Variants in MYO15A observed in about 807,000 individuals in gnomAD.
MYO15A encodes the protein myosin XVA, also known as unconventional myosin-XV.
In MYO15A, 308 loss-of-function variants were observed where a neutral mutation model predicts 394.6. That is an observed-to-expected ratio of 0.78 (90% CI 0.71 to 0.86). The LOEUF is 0.86. Among genes scored for constraint, MYO15A ranks in the 40% least tolerant of loss-of-function variants. The pLI is 0.00. For synonymous variants in MYO15A, 1,957 were observed against 2,003.8 expected (o/e 0.98, Z 0.62); for missense variants, 4,606 against 4,799.1 (o/e 0.96, Z 1.19).
chr17:18,143,521 C>A, intron 25 of MYO15A, 45 bp from the exon 26 acceptor site: 1 of 1,548,434 alleles, frequency 6.5e-7, no homozygotes, highest in South Asian at 1.2e-5. Flanking sequence ...TGCCGGTCGT[C>A]ACCTCTGCCT....
At chr17:18,137,912 T>A in intron 16 of MYO15A, 8 of 854,850 alleles carry the variant, frequency 9.4e-6, no homozygotes, top group Non-Finnish European at 1.4e-5. Flanking sequence ...CTTCTTCTCC[T>A]CTACTGGGCT....
At chr17:18,161,259 T>G (rs1306657766) in intron 56 of MYO15A, 58 bp from the exon 57 acceptor site, 30 of 1,598,118 alleles carry the variant, frequency 1.9e-5, no homozygotes, top group Non-Finnish European at 2.4e-5. Flanking sequence ...CCCAGGAGGC[T>G]CTTGGCACAC....
chr17:18,138,762 A>C (rs1304067077), intron 17 of MYO15A, 49 bp from the exon 18 acceptor site: 1 of 1,607,984 alleles, frequency 6.2e-7, no homozygotes, highest in East Asian at 2.2e-5. Context: ...GGCCAGGAAC[A>C]GGGTGTCCAG....
intron 12 of MYO15A, among the ~76,000 whole-genome samples, chr17:18,134,201 G>A (rs886956908): frequency 1.3e-5 from 2 of 151,066 alleles, no homozygotes; most frequent in Non-Finnish European, 2.9e-5. Context: ...TGTTGGCCAG[G>A]ATGGTCTCGC....
At position 18,120,988 on chromosome 17, in the gene MYO15A, GA is replaced by G; in HGVS notation, c.2189del (p.Glu730GlyfsTer7). On this transcript the variant is annotated frameshift_variant, in exon 2 of 66. Transcript: ENST00000647165. LOFTEE classifies it high-confidence loss of function. The stretch of plus-strand genomic sequence containing the variant: ...CGTGGAGCCCCCTGCCGTGAGCCCG[GA>G]GGTGCCCCCCGACCTACTAGCCTTC... ...AFVEPPAVSP[E>X]VPPDLLAFPG... The G allele has an allele frequency of 6.7e-7, 1 of 1,503,498 alleles. No individual in the cohort carries two copies. Among genetic ancestry groups the G allele is most frequent in the East Asian group, 2.7e-5 (1 of 36,910 alleles). 93.1% of individuals were successfully genotyped at this position (1,503,498 alleles called of 1,614,324 possible).
Position 18,138,805 on chromosome 17 carries a change from C to G in MYO15A, c.5008-6C>G, listed in dbSNP as rs779024262. On this transcript the variant is annotated splice_polypyrimidine_tract_variant and splice_region_variant and intron_variant, in intron 17 of 65. Coordinates refer to ENST00000647165, the MANE Select transcript of MYO15A (RefSeq NM_016239.4). ...GCCCACCCACTGATCCCTAAATTGC[C>G]CCCAGGCTACAGACCACACCTTCCT... The G allele has an allele frequency of 6.2e-6, 10 of 1,613,526 alleles. No individual in the cohort carries two copies. Among genetic ancestry groups the G allele is most frequent in the East Asian group, 2.2e-5 (1 of 44,892 alleles).
rs1424289379 is a variant in MYO15A, at chr17:18,121,252, C to G, written c.2452C>G (p.Arg818Gly). The G allele has an allele frequency of 2.0e-6, 3 of 1,469,892 alleles. No individual in the cohort carries two copies. Among genetic ancestry groups the G allele is most frequent in the Non-Finnish European group, 2.7e-6 (3 of 1,114,720 alleles). The allele number at this position is 1,469,892 out of a possible 1,614,324, so 91.1% of individuals were successfully genotyped here. Reference sequence around the variant, plus strand: ...CTTCCTGCCCCCGGCCCGCCGGCCCCGCTCGCTGCAGGAGTCCCCAGCCCC... The same window carrying G: ...CTTCCTGCCCCCGGCCCGCCGGCCCGGCTCGCTGCAGGAGTCCCCAGCCCC... ...PPFLPPARRP[R>G]SLQESPAPRR... Residue 818 changes from arginine (R) to glycine (G), a missense_variant, in exon 2 of 66, where the codon CGC becomes GGC. Around this residue, in one of 2 missense-constraint regions of MYO15A, gnomAD observed 1,830 missense variants for 1,689.7 expected, o/e 1.08. Coordinates refer to ENST00000647165, the MANE Select transcript of MYO15A (RefSeq NM_016239.4). The surrounding 1 kb of genome is among the most constrained non-coding windows in gnomAD (Gnocchi z 5.3).
intron 62 of MYO15A, 146 bp from the exon 63 acceptor site, chr17:18,171,492 C>G: frequency 8.0e-7 from 1 of 1,247,372 alleles, no homozygotes; most frequent in South Asian, 1.2e-5. Flanking sequence ...CACCTCTACC[C>G]CACTTTCAGC....
In MYO15A at chr17:18,120,134, G is replaced by A. The variant is rs777527625; in HGVS notation, c.1334G>A (p.Arg445His). The change falls in exon 2 of 66, where the codon CGT becomes CAT. Residue 445 changes from arginine (R) to histidine (H), a missense_variant. By Grantham distance (29) the Arg-to-His change is conservative. Transcript: ENST00000647165. ...GAACCAGAGGACGCGGGCGTAGAGC[G>A]TCAGGGGACCTCCTTCCGCCTGCCC... ...LEEPEDAGVERQGTSFRLPSA... is the reference protein window; with the variant it reads ...LEEPEDAGVEHQGTSFRLPSA... 4 of 1,612,986 alleles carry A rather than the reference G, an allele frequency of 2.5e-6. No individual in the cohort carries two copies. The highest frequency in any genetic ancestry group is 2.5e-6 in the Non-Finnish European group (3 of 1,179,960).
At chr17:18,137,767 A>C (rs2046305584) in intron 16 of MYO15A, 88 bp downstream of exon 16, 10 of 1,412,532 alleles carry the variant, frequency 7.1e-6, no homozygotes, top group Non-Finnish European at 9.9e-6. Flanking sequence ...TGGTTGTTTA[A>C]GGGCAATTCT....
At chr17:18,140,965 C>A in intron 21 of MYO15A, 54 bp from the exon 22 acceptor site, 1 of 1,613,152 alleles carries the variant, frequency 6.2e-7, no homozygotes, top group Non-Finnish European at 8.5e-7. Flanking sequence ...ATGATAATGC[C>A]TTTTGCACAT....
chr17:18,120,715 A>T lies in MYO15A; in HGVS notation c.1915A>T (p.Asn639Tyr). ...RRAQPRARSS[N>Y]DARRPPAPQP... ...GGCCCAGCCACGCGCTCGCAGCAGC[A>T]ACGACGCGCGCCGCCCGCCCGCGCC... is the stretch of plus-strand genomic sequence containing the variant. The change falls in exon 2 of 66, where the codon AAC becomes TAC. Residue 639 changes from asparagine (N) to tyrosine (Y), a missense_variant. This residue lies in a region of MYO15A where 1,830 missense variants were observed against 1,689.7 expected (regional missense o/e 1.08). Coordinates refer to ENST00000647165, the MANE Select transcript of MYO15A (RefSeq NM_016239.4). 6.6e-7 allele frequency: 1 copy of T among 1,506,888 alleles called. No individual in the cohort carries two copies. Among genetic ancestry groups the T allele is most frequent in the Non-Finnish European group, 8.8e-7 (1 of 1,138,178 alleles). 93.3% of individuals were successfully genotyped at this position (1,506,888 alleles called of 1,614,324 possible). A position where few individuals can be genotyped will look rare whatever the true frequency, so the allele number is the denominator to read the frequency against.
In MYO15A at chr17:18,131,649, C is replaced by G. The variant is rs1457943668; in HGVS notation, c.4206+118C>G. The stretch of plus-strand genomic sequence containing the variant: ...CGTCAAATTAATGAACGAATACATG[C>G]GTACATGTGTACATGTGAGCCCAGG... On this transcript the variant is annotated intron_variant, in intron 10 of 65. Coordinates refer to ENST00000647165, the MANE Select transcript of MYO15A (RefSeq NM_016239.4). 2.6e-5 allele frequency: 32 copies of G among 1,221,026 alleles called. No homozygotes were observed. The South Asian group carries it at 3.7e-4, about 14-fold the overall frequency. 75.6% of individuals were successfully genotyped at this position (1,221,026 alleles called of 1,614,324 possible).
chr17:18,158,102 G>A (rs1277068603), intron 51 of MYO15A, among the ~76,000 whole-genome samples: 2 of 152,156 alleles, frequency 1.3e-5, no homozygotes, highest in South Asian at 2.1e-4. Context: ...GATGGTTGGA[G>A]GTGTGGCCAA....
chr17:18,131,428 T>C (rs773977777), intron 9 of MYO15A, 40 bp from the exon 10 acceptor site: 1 of 1,613,264 alleles, frequency 6.2e-7, no homozygotes, highest in African/African-American at 1.3e-5. Context: ...ACACCAGCCC[T>C]CCTACCCTCA....
rs773236030 is a variant in MYO15A, at chr17:18,120,476, C to T, written c.1676C>T (p.Pro559Leu). The T allele has an allele frequency of 3.0e-5, 48 of 1,574,612 alleles. 1 individual carries two copies. The South Asian group carries it at 5.2e-4, about 17-fold the overall frequency. ...FGAHRGLGFG[P>L]EFGRPVPRPA... ...GCCCACCGGGGCCTGGGCTTCGGCC[C>T]TGAGTTTGGCCGCCCCGTGCCTCGC... The change falls in exon 2 of 66, where the codon CCT becomes CTT. Residue 559 changes from proline (P) to leucine (L), a missense_variant. This residue lies in a region of MYO15A where 1,830 missense variants were observed against 1,689.7 expected (regional missense o/e 1.08). Transcript: ENST00000647165.
At position 18,142,810 on chromosome 17, in the gene MYO15A, C is replaced by A. The variant is rs201487604; in HGVS notation, c.5880C>A (p.His1960Gln). The A allele has an allele frequency of 6.2e-7, 1 of 1,613,460 alleles. No homozygotes were observed. ...RSLVKFRSLV[H>Q]AYVSRRRYLK... ...TGGTGAAGTTCCGGTCCCTGGTACA[C>A]GCATACGTGAGCCGCCGACGCTATC... The change falls in exon 25 of 66, where the codon CAC becomes CAA. Residue 1960 changes from histidine (H) to glutamine (Q), a missense_variant. By Grantham distance (24) the His-to-Gln change is conservative. Coordinates refer to ENST00000647165, the MANE Select transcript of MYO15A (RefSeq NM_016239.4).
At chr17:18,172,445 C>G in intron 64 of MYO15A, 155 bp downstream of exon 64, 1 of 1,166,540 alleles carries the variant, frequency 8.6e-7, no homozygotes, top group Non-Finnish European at 1.3e-6. Flanking sequence ...CTGAGCCTTG[C>G]TTTCCTCATC....
Position 18,120,676 on chromosome 17 carries a change from A to T in MYO15A, c.1876A>T (p.Ile626Phe). 1 of 1,580,014 alleles carries T rather than the reference A, an allele frequency of 6.3e-7. No homozygotes were observed. The change falls in exon 2 of 66, where the codon ATC (isoleucine) becomes TTC (phenylalanine). Residue 626 changes from isoleucine to phenylalanine, a missense_variant. Physicochemically the swap from Ile to Phe is conservative, Grantham distance 21. Around this residue, in one of 2 missense-constraint regions of MYO15A, gnomAD observed 1,830 missense variants for 1,689.7 expected, o/e 1.08. Transcript: ENST00000647165. ...GMDPEKPGTP[I>F]VLRRAQPRAR... is the part of the protein sequence containing the mutation. ...GGACCCCGAGAAGCCCGGCACGCCC[A>T]TCGTGCTGAGGAGGGCCCAGCCACG...
Sources: gnomAD v4.1 joint callset for allele counts (sites outside exome capture counted in the v4.1 genomes callset) on GRCh38, gnomAD v4.1.1 for gene constraint, gnomAD v4.1.1 regional missense constraint, Gnocchi (gnomAD v3.1) non-coding constraint, MANE v1.5 for transcripts, NCBI Gene and HGNC (gene_info 2026-07-23, HGNC 2026-07-21) for gene names.